The following TMPRSS4 variants were observed in gnomAD, a reference collection of about 807,000 sequenced individuals.
TMPRSS4 encodes the protein transmembrane protease serine 4.
A neutral mutation model predicts 56.4 loss-of-function variants in TMPRSS4; 45 were observed. That is an observed-to-expected ratio of 0.80 (90% CI 0.63 to 1.02). The LOEUF (loss-of-function observed/expected upper bound fraction) is 1.02. TMPRSS4 is among the 50% of genes least tolerant of loss of function. TMPRSS4 has a pLI of 0.00. For missense variants in TMPRSS4, 546 were observed against 556.7 expected (o/e 0.98, Z 0.19); for synonymous variants, 205 against 211.0 (o/e 0.97, Z 0.25).
At chr11:118,082,260 G>A (rs1945191944) in intron 1 of TMPRSS4, among the ~76,000 whole-genome samples, 1 of 152,166 alleles carries the variant, frequency 6.6e-6, no homozygotes, top group Non-Finnish European at 1.5e-5. Flanking sequence ...TCATTCTACA[G>A]ATGAAGAAAT....
chr11:118,095,032 GA>G (rs1318173320), intron 2 of TMPRSS4, 177 bp downstream of exon 2: 4 of 690,610 alleles, frequency 5.8e-6, no homozygotes. Flanking sequence ...ATTCATTCCA[GA>G]AGTAGGAGGC....
rs1465347597 is a variant in TMPRSS4, at chr11:118,103,201, G to T, written c.258G>T (p.Gly86=). The change falls in exon 4 of 13, where the codon GGG becomes GGT. Residue 86 remains glycine, a synonymous_variant. Transcript: ENST00000437212. ...LCDGELDCPL[G]EDEEHCVKSF... ...ACGGAGAGCTGGACTGTCCCTTGGG[G>T]GAGGACGAGGAGCACTGTGTCAAGA... 1 of 1,614,230 alleles carries T rather than the reference G, an allele frequency of 6.2e-7. No homozygotes were observed. Among genetic ancestry groups the T allele is most frequent in the Non-Finnish European group, 8.5e-7 (1 of 1,180,036 alleles).
At chr11:118,084,687 A>T (rs1945408111) in intron 1 of TMPRSS4, among the ~76,000 whole-genome samples, 1 of 152,196 alleles carries the variant, frequency 6.6e-6, no homozygotes, top group African/African-American at 2.4e-5. Context: ...AGAGAGCACT[A>T]ATTTTCACTT....
downstream of TMPRSS4, among the ~76,000 whole-genome samples, chr11:118,123,486 A>G (rs191323017): frequency 4.6e-5 from 7 of 152,316 alleles, no homozygotes; most frequent in East Asian, 1.4e-3. Flanking sequence ...GGACATTCCC[A>G]TCTCTTCAAC....
chr11:118,092,913 C>T (rs1276243075), intron 1 of TMPRSS4, among the ~76,000 whole-genome samples: 5 of 152,218 alleles, frequency 3.3e-5, no homozygotes, highest in African/African-American at 1.2e-4. Flanking sequence ...CCAGACAACT[C>T]ATGTAAACCT....
intron 5 of TMPRSS4, chr11:118,107,549 A>G (rs1894177): frequency 0.53 from 208,210 of 389,630 alleles, 56,731 homozygotes; most frequent in Middle Eastern, 0.61. Context: ...AGCAAGTTAC[A>G]TCAGCAATGC....
At position 118,108,841 on chromosome 11, in the gene TMPRSS4, G is replaced by A. The variant is rs780942806; in HGVS notation, c.543-15G>A. On this transcript the variant is annotated splice_polypyrimidine_tract_variant and intron_variant, in intron 6 of 12. Coordinates refer to ENST00000437212, the MANE Select transcript of TMPRSS4 (RefSeq NM_019894.4). ...GAAGAAGCTTAAATCACAGGGCGCTGTGTCTGTCTTCCAGGCCCTGTCTCT... is the reference window on the plus strand; with the variant it reads ...GAAGAAGCTTAAATCACAGGGCGCTATGTCTGTCTTCCAGGCCCTGTCTCT... The A allele has an allele frequency of 1.2e-6, 2 of 1,613,916 alleles. No homozygotes were observed. The highest frequency in any genetic ancestry group is 4.5e-5 in the East Asian group (2 of 44,874).
chr11:118,104,810 G>C lies in TMPRSS4; in HGVS notation c.430G>C (p.Gly144Arg). ...CGCTGAGACAGCCTGTAGGCAGATGGGCTACAGCAGGTAACCAACCTGGGC... is the reference window on the plus strand; with the variant it reads ...CGCTGAGACAGCCTGTAGGCAGATGCGCTACAGCAGGTAACCAACCTGGGC... ...ALAETACRQM[G>R]YSSKPTFRAV... is the part of the protein sequence containing the mutation. Residue 144 changes from glycine (G) to arginine (R), a missense_variant, in exon 5 of 13, where the codon GGC becomes CGC. Gly to Arg is a moderately radical substitution (Grantham distance 125, BLOSUM62 -2). Coordinates refer to ENST00000437212, the MANE Select transcript of TMPRSS4 (RefSeq NM_019894.4). 1 of 1,596,738 alleles carries C rather than the reference G, an allele frequency of 6.3e-7. No homozygotes were observed. The highest frequency in any genetic ancestry group is 8.5e-7 in the Non-Finnish European group (1 of 1,170,830).
At chr11:118,116,689 G>A (rs1427559374) in intron 11 of TMPRSS4, among the ~76,000 whole-genome samples, 1 of 149,550 alleles carries the variant, frequency 6.7e-6, no homozygotes, top group African/African-American at 2.5e-5. Flanking sequence ...ATTTTGGAAC[G>A]ACTAGGTTAA....
chr11:118,100,288 G>A (rs1946669548), intron 3 of TMPRSS4, among the ~76,000 whole-genome samples: 1 of 152,244 alleles, frequency 6.6e-6, no homozygotes, highest in Non-Finnish European at 1.5e-5. Flanking sequence ...ATGTGACCCA[G>A]GACATGCATT....
In TMPRSS4 at chr11:118,113,300, C is replaced by T. The variant is rs61663399; in HGVS notation, c.775C>T (p.Arg259Trp). 9.9e-4 allele frequency: 1,605 copies of T among 1,614,006 alleles called. 11 individuals carry two copies. The African/African-American group carries it at 0.019, about 19-fold the overall frequency. Reference sequence around the variant, plus strand: ...TACCGATGTGTTCAACTGGAAGGTGCGGGCAGGCTCAGACAAACTGGGCAG... The same window carrying T: ...TACCGATGTGTTCAACTGGAAGGTGTGGGCAGGCTCAGACAAACTGGGCAG... ...KHTDVFNWKV[R>W]AGSDKLGSFP... is the part of the protein sequence containing the mutation. Residue 259 changes from arginine (R) to tryptophan (W), a missense_variant, in exon 9 of 13, where the codon CGG (arginine) becomes TGG (tryptophan). Arg to Trp is a moderately radical substitution (Grantham distance 101, BLOSUM62 -3). Transcript: ENST00000437212.
At chr11:118,091,671 G>A (rs983094711) in intron 1 of TMPRSS4, among the ~76,000 whole-genome samples, 3 of 152,120 alleles carry the variant, frequency 2.0e-5, no homozygotes, top group Admixed American at 2.0e-4. Flanking sequence ...TGCTTTACAA[G>A]CATTTGTTTA....
At chr11:118,113,707 A>C (rs148071017) in intron 9 of TMPRSS4, among the ~76,000 whole-genome samples, 1 of 152,152 alleles carries the variant, frequency 6.6e-6, no homozygotes, top group African/African-American at 2.4e-5. Flanking sequence ...AGTTTCATCC[A>C]ATCTTGGAGT....
intron 8 of TMPRSS4, among the ~76,000 whole-genome samples, chr11:118,112,540 G>T (rs1366911911): frequency 1.3e-5 from 2 of 151,716 alleles, no homozygotes; most frequent in African/African-American, 4.8e-5. Flanking sequence ...CTATAGGCAT[G>T]GGCCACCATG....
intron 1 of TMPRSS4, among the ~76,000 whole-genome samples, chr11:118,086,015 C>G (rs1945528778): frequency 6.6e-6 from 1 of 152,230 alleles, no homozygotes; most frequent in Non-Finnish European, 1.5e-5. Context: ...AGCAGCATCA[C>G]CTGGAAGCAG....
At chr11:118,107,896 T>C in intron 6 of TMPRSS4, 21 bp downstream of exon 6, 1 of 1,609,318 alleles carries the variant, frequency 6.2e-7, no homozygotes, top group Non-Finnish European at 8.5e-7. Context: ...GGACACCTTC[T>C]GGCCTACAGA....
downstream of TMPRSS4, among the ~76,000 whole-genome samples, chr11:118,124,939 C>T (rs546039050): frequency 6.6e-6 from 1 of 152,370 alleles, no homozygotes; most frequent in East Asian, 1.9e-4. Context: ...CACTTGCCCG[C>T]TTACTTCTTT....
chr11:118,115,165 C>T lies in TMPRSS4; in HGVS notation c.1037C>T (p.Ala346Val), dbSNP rs1245396302. ...GGKMSDILLQ[A>V]SVQVIDSTRC... ...AAGATGTCTGACATACTGCTGCAGG[C>T]GTCAGTCCAGGTCATTGACAGCACA... The change falls in exon 11 of 13, where the codon GCG becomes GTG. Residue 346 changes from alanine (A) to valine (V), a missense_variant. Ala to Val is a moderately conservative substitution (Grantham distance 64). Transcript: ENST00000437212. 13 of 1,611,902 alleles carry T rather than the reference C, an allele frequency of 8.1e-6. No individual in the cohort carries two copies. Among genetic ancestry groups the T allele is most frequent in the South Asian group, 1.1e-5 (1 of 90,100 alleles).
chr11:118,110,332 A>G (rs1013057051), intron 7 of TMPRSS4, among the ~76,000 whole-genome samples: 6 of 139,298 alleles, frequency 4.3e-5, no homozygotes, highest in African/African-American at 1.7e-4. Flanking sequence ...GATAGAGAGC[A>G]TTAGATTCTC....
Sources: allele counts gnomAD v4.1 joint callset (sites outside exome capture counted in the v4.1 genomes callset), GRCh38; gene constraint gnomAD v4.1.1; transcripts MANE v1.5; gene names NCBI Gene and HGNC (gene_info 2026-07-23, HGNC 2026-07-21).